Variants in ZNF516 observed in about 807,000 individuals in gnomAD.
ZNF516 encodes zinc finger protein 516.
A neutral mutation model predicts 79.7 loss-of-function variants in ZNF516; 19 were observed. The observed-to-expected ratio is 0.24, with a 90% CI of 0.17 to 0.35. ZNF516 has a LOEUF of 0.35. ZNF516 is among the 10% of genes least tolerant of loss of function. The pLI is 1.00. For synonymous variants in ZNF516, 877 were observed against 739.5 expected (o/e 1.19, Z -3.02); for missense variants, 1,678 against 1,679.5 (o/e 1.00, Z 0.02).
chr18:76,437,551 T>A (rs1017504295), intron 3 of ZNF516, among the ~76,000 whole-genome samples: 4 of 152,132 alleles, frequency 2.6e-5, no homozygotes, highest in Admixed American at 2.6e-4. Context: ...CAATTTGCCA[T>A]TATGTTGATC....
intron 2 of ZNF516, among the ~76,000 whole-genome samples, chr18:76,450,552 A>C (rs1912344347): frequency 6.6e-6 from 1 of 152,196 alleles, no homozygotes; most frequent in Non-Finnish European, 1.5e-5. Context: ...AAAGCCATTA[A>C]AGAAACCCAC....
At chr18:76,447,418 A>AC (rs1210374567) in intron 2 of ZNF516, among the ~76,000 whole-genome samples, 14 of 152,052 alleles carry the variant, frequency 9.2e-5, no homozygotes, top group Admixed American at 9.2e-4. Context: ...AGTGCTACCT[A>AC]CCTCAGTTCC....
rs978763303 is a variant in ZNF516 at position 76,493,000 on chromosome 18, C to T, written c.-272+2144G>A. 60 of 985,442 alleles carry T rather than the reference C, an allele frequency of 6.1e-5. 1 individual carries two copies. The highest frequency in any genetic ancestry group is 8.7e-5 in the African/African-American group (5 of 57,252). 61.0% of individuals were successfully genotyped at this position (985,442 alleles called of 1,614,324 possible). On this transcript the variant is annotated intron_variant, in intron 1 of 6. Coordinates refer to ENST00000443185, the MANE Select transcript of ZNF516 (RefSeq NM_014643.4). ...CGCACGCGCGCGCTCACACACACAC[C>T]CCAAATTACCTCCGGGATGGAGAAA...
chr18:76,491,152 AAT>A (rs1915163563), intron 1 of ZNF516: 105 of 956,884 alleles, frequency 1.1e-4, no homozygotes, highest in Non-Finnish European at 1.3e-4. Context: ...AATAGAAACC[AAT>A]TACCTGGGCT....
At chr18:76,482,002 A>C (rs2145787228) in intron 1 of ZNF516, among the ~76,000 whole-genome samples, 1 of 152,322 alleles carries the variant, frequency 6.6e-6, no homozygotes, top group South Asian at 2.1e-4. Context: ...CTTTTGCCTT[A>C]AGAATGTTAT....
intron 3 of ZNF516, among the ~76,000 whole-genome samples, chr18:76,403,736 C>A (rs1037764678): frequency 5.3e-5 from 8 of 152,232 alleles, no homozygotes; most frequent in African/African-American, 1.7e-4. Flanking sequence ...AGAAATCACA[C>A]ACATACCACG....
chr18:76,410,036 C>A (rs749731655), intron 3 of ZNF516, among the ~76,000 whole-genome samples: 1 of 152,168 alleles, frequency 6.6e-6, no homozygotes, highest in Non-Finnish European at 1.5e-5. Context: ...GTAAGATGTG[C>A]CTTTGCTCTT....
In ZNF516 at chr18:76,362,915, G is replaced by C. The variant is rs146498237; in HGVS notation, c.3433-358C>G. On this transcript the variant is annotated intron_variant, in intron 6 of 6. Coordinates refer to ENST00000443185, the MANE Select transcript of ZNF516 (RefSeq NM_014643.4). Reference sequence around the variant, plus strand: ...AGAAGGTTACAAGTTGGCAAGATGAGGAGGCGGCCAGATTGTAAAACTGTA... The same window carrying C: ...AGAAGGTTACAAGTTGGCAAGATGACGAGGCGGCCAGATTGTAAAACTGTA... Among the ~76,000 whole-genome samples the C allele has an allele frequency of 1.5e-3, 226 of 152,326 alleles. 1 individual carries two copies. Among genetic ancestry groups the C allele is most frequent in the African/African-American group, 5.2e-3 (218 of 41,562 alleles).
Position 76,360,646 on chromosome 18 carries a change from A to AATATATAT in ZNF516, c.*1844_*1851dup, listed in dbSNP as rs61233300. On this transcript the variant is annotated 3_prime_UTR_variant, in exon 7 of 7. Coordinates refer to ENST00000443185, the MANE Select transcript of ZNF516 (RefSeq NM_014643.4). ...AAAAAAATAAGTAAAAAAAAAAAAA[A>AATATATAT]ATATATATATATATATATATATATA... 3.2e-4 allele frequency: 23 copies of AATATATAT among 72,460 alleles called. No homozygotes were observed. The highest frequency in any genetic ancestry group is 1.0e-3 in the South Asian group (2 of 1,988). 4.5% of individuals were successfully genotyped at this position (72,460 alleles called of 1,614,324 possible).
intron 3 of ZNF516, among the ~76,000 whole-genome samples, chr18:76,420,744 TA>T (rs781146426): frequency 2.0e-5 from 3 of 150,896 alleles, no homozygotes; most frequent in African/African-American, 4.9e-5. Flanking sequence ...TCTATATATA[TA>T]AAAAAAAACA....
intron 4 of ZNF516, among the ~76,000 whole-genome samples, chr18:76,377,103 T>C (rs1039768570): frequency 3.3e-5 from 5 of 152,234 alleles, no homozygotes; most frequent in Admixed American, 1.3e-4. Context: ...TCACTGTAAC[T>C]GAACGTGGAA....
Position 76,419,207 on chromosome 18 carries a change from C to T in ZNF516, c.1810+22038G>A, listed in dbSNP as rs8096989. Among the ~76,000 whole-genome samples the T allele has an allele frequency of 2.9e-3, 445 of 152,320 alleles. 1 individual carries two copies. Among genetic ancestry groups the T allele is most frequent in the African/African-American group, 0.01 (426 of 41,568 alleles). On this transcript the variant is annotated intron_variant, in intron 3 of 6. Coordinates refer to ENST00000443185, the MANE Select transcript of ZNF516 (RefSeq NM_014643.4). Reference sequence around the variant, plus strand: ...AGGATTATACACGAGGCTGTATACACGTGGACAACAAAAGCTCAAATGTAT... The same window carrying T: ...AGGATTATACACGAGGCTGTATACATGTGGACAACAAAAGCTCAAATGTAT...
Position 76,442,468 on chromosome 18 carries a change from G to T in ZNF516, c.587C>A (p.Ala196Glu), listed in dbSNP as rs1177982089. The T allele has an allele frequency of 6.2e-7, 1 of 1,604,666 alleles. No homozygotes were observed. Among genetic ancestry groups the T allele is most frequent in the Non-Finnish European group, 8.5e-7 (1 of 1,179,652 alleles). Residue 196 changes from alanine (A) to glutamate (E), a missense_variant, in exon 3 of 7, where the codon GCG becomes GAG. Physicochemically the swap from Ala to Glu is moderately radical, Grantham distance 107 (BLOSUM62 -1). Coordinates refer to ENST00000443185, the MANE Select transcript of ZNF516 (RefSeq NM_014643.4). ...KKDLELHVHQ[A>E]HKPFKCRLCS... The stretch of plus-strand genomic sequence containing the variant: ...CAGCCTGCACTTGAACGGCTTGTGC[G>T]CCTGGTGCACGTGCAGCTCCAGGTC...
chr18:76,476,999 G>A (rs570676230), intron 1 of ZNF516, among the ~76,000 whole-genome samples: 9 of 152,242 alleles, frequency 5.9e-5, no homozygotes, highest in East Asian at 1.9e-4. Flanking sequence ...ACAAACAGTC[G>A]TCCTAAAAGT....
intron 1 of ZNF516, among the ~76,000 whole-genome samples, chr18:76,491,219 T>TGCCCCGGCCCGGA (rs1175023311): frequency 1.2e-3 from 118 of 95,998 alleles, no homozygotes; most frequent in African/African-American, 4.7e-3. Flanking sequence ...GACCCCCGCC[T>TGCCCCGGCCCGGA]GCCCCGGCCC....
intron 1 of ZNF516, among the ~76,000 whole-genome samples, chr18:76,480,314 A>G (rs1209520122): frequency 1.3e-5 from 2 of 152,140 alleles, no homozygotes; most frequent in African/African-American, 4.8e-5. Context: ...CGATGTGATC[A>G]CTAGAAAACG....
chr18:76,468,424 T>C (rs1336716579), intron 1 of ZNF516, among the ~76,000 whole-genome samples: 2 of 149,964 alleles, frequency 1.3e-5, no homozygotes, highest in African/African-American at 4.9e-5. Flanking sequence ...TGTCTTTTTT[T>C]TTTTTTTTTT....
intron 6 of ZNF516, among the ~76,000 whole-genome samples, chr18:76,364,224 A>C (rs1020805281): frequency 6.6e-6 from 1 of 152,246 alleles, no homozygotes; most frequent in African/African-American, 2.4e-5. Context: ...TTTTCTCTTC[A>C]TAACTGAAGG....
chr18:76,376,703 G>C (rs990469804), intron 4 of ZNF516, among the ~76,000 whole-genome samples: 1 of 152,060 alleles, frequency 6.6e-6, no homozygotes, highest in South Asian at 2.1e-4. Flanking sequence ...CCACCCACAG[G>C]GCAGCTCAAA....
Sources: allele counts gnomAD v4.1 joint callset (sites outside exome capture counted in the v4.1 genomes callset), GRCh38; gene constraint gnomAD v4.1.1; transcripts MANE v1.5; gene names NCBI Gene and HGNC (gene_info 2026-07-23, HGNC 2026-07-21).